The following PDCD6 variants were observed in gnomAD, a reference collection of about 807,000 sequenced individuals.
The protein encoded by PDCD6 is programmed cell death 6.
In PDCD6, 12 loss-of-function variants were observed where a neutral mutation model predicts 28.3. The ratio of observed to expected loss-of-function variants is 0.42; its 90% CI spans 0.27 to 0.69. The LOEUF is 0.69. Among genes scored for constraint, PDCD6 ranks in the 30% least tolerant of loss-of-function variants. The pLI, the probability that PDCD6 is intolerant of heterozygous loss-of-function variation, is 0.22. For missense variants in PDCD6, 226 were observed against 269.9 expected (o/e 0.84, Z 1.14); for synonymous variants, 92 against 108.0 (o/e 0.85, Z 0.92).
intron 2 of PDCD6, among the ~76,000 whole-genome samples, chr5:282,702 G>A (rs1738658738): frequency 6.6e-6 from 1 of 152,066 alleles, no homozygotes; most frequent in Non-Finnish European, 1.5e-5. Context: ...GGAGACTCAG[G>A]GAGGAGCTGA....
chr5:282,880 G>A (rs1334658713), intron 2 of PDCD6, among the ~76,000 whole-genome samples: 6 of 152,000 alleles, frequency 3.9e-5, no homozygotes, highest in African/African-American at 1.5e-4. Flanking sequence ...TCGTGCAGCT[G>A]AAGTCTCGGG....
intron 2 of PDCD6, among the ~76,000 whole-genome samples, chr5:283,334 A>G (rs1474636399): frequency 6.6e-6 from 1 of 152,112 alleles, no homozygotes; most frequent in Non-Finnish European, 1.5e-5. Flanking sequence ...CTGATGTTCT[A>G]GATTGAGGAT....
chr5:279,899 T>C (rs1163900694), intron 2 of PDCD6, among the ~76,000 whole-genome samples: 3 of 140,270 alleles, frequency 2.1e-5, no homozygotes, highest in Admixed American at 1.5e-4. Context: ...GTGTGCAAAA[T>C]GTGGCGATGG....
chr5:288,184 T>C (rs1739092149), intron 2 of PDCD6, among the ~76,000 whole-genome samples: 1 of 151,672 alleles, frequency 6.6e-6, no homozygotes, highest in Non-Finnish European at 1.5e-5. Flanking sequence ...GAAAATGTCT[T>C]CTGAAAGAGG....
At chr5:283,682 T>C (rs2126703298) in intron 2 of PDCD6, among the ~76,000 whole-genome samples, 1 of 151,118 alleles carries the variant, frequency 6.6e-6, no homozygotes, top group East Asian at 1.9e-4. Context: ...GTTGTGCAGC[T>C]GAAGCCTCAG....
intron 2 of PDCD6, among the ~76,000 whole-genome samples, chr5:287,646 A>T (rs764458195): frequency 2.9e-4 from 44 of 152,218 alleles, no homozygotes; most frequent in Admixed American, 5.9e-4. Context: ...ATTGAAAAAT[A>T]GACCCATGCA....
intron 2 of PDCD6, among the ~76,000 whole-genome samples, chr5:287,168 T>C (rs1375524587): frequency 6.6e-6 from 1 of 152,080 alleles, no homozygotes. Flanking sequence ...GAGTAGGTAC[T>C]GCCACTGATG....
chr5:273,273 TGGA>T (rs1737955425), intron 2 of PDCD6: 1 of 162,692 alleles, frequency 6.1e-6, no homozygotes, highest in Non-Finnish European at 1.4e-5. Context: ...TTGGGGGTGT[TGGA>T]GGCGCTGGCC....
intron 2 of PDCD6, among the ~76,000 whole-genome samples, chr5:299,966 T>C (rs1052825383): frequency 6.6e-6 from 1 of 152,082 alleles, no homozygotes; most frequent in African/African-American, 2.4e-5. Flanking sequence ...GTAAAGTACA[T>C]GTCCAGTCCC....
intron 2 of PDCD6, among the ~76,000 whole-genome samples, chr5:299,613 A>C (rs535996183): frequency 2.4e-4 from 37 of 151,480 alleles, no homozygotes; most frequent in African/African-American, 8.5e-4. Flanking sequence ...CCAGTGGTGC[A>C]ATCTCAGCTC....
intron 2 of PDCD6, among the ~76,000 whole-genome samples, chr5:280,501 C>T (rs1738498480): frequency 6.9e-6 from 1 of 145,868 alleles, no homozygotes; most frequent in Non-Finnish European, 1.5e-5. Flanking sequence ...GAGGGCAGGG[C>T]TGTGCTGGGC....
At chr5:274,821 G>GTGTA (rs1738083367) in intron 2 of PDCD6, among the ~76,000 whole-genome samples, 1 of 152,182 alleles carries the variant, frequency 6.6e-6, no homozygotes, top group Non-Finnish European at 1.5e-5. Flanking sequence ...GGTCCTCAAA[G>GTGTA]TGTATATAGC....
At chr5:276,165 G>T (rs1309914402) in intron 2 of PDCD6, 1 of 942,438 alleles carries the variant, frequency 1.1e-6, no homozygotes, top group East Asian at 6.7e-5. Flanking sequence ...GGAGGTTGAG[G>T]CTGCATTGAG....
chr5:287,272 T>C (rs1334248116), intron 2 of PDCD6, among the ~76,000 whole-genome samples: 1 of 152,168 alleles, frequency 6.6e-6, no homozygotes, highest in East Asian at 1.9e-4. Flanking sequence ...GAGCCAGTGA[T>C]GCTGTTTAAG....
intron 2 of PDCD6, among the ~76,000 whole-genome samples, chr5:297,087 C>T (rs1402371123): frequency 6.6e-6 from 1 of 152,206 alleles, no homozygotes; most frequent in African/African-American, 2.4e-5. Context: ...GCCGGGCAGT[C>T]GCAGGCCTCC....
intron 2 of PDCD6, among the ~76,000 whole-genome samples, chr5:273,619 T>G (rs1346717520): frequency 6.6e-6 from 1 of 152,176 alleles, no homozygotes; most frequent in Non-Finnish European, 1.5e-5. Context: ...GGGAAGTATC[T>G]GAAGTTGCCA....
chr5:306,442 G>A, intron 3 of PDCD6, 160 bp from the exon 4 acceptor site: 1 of 662,248 alleles, frequency 1.5e-6, no homozygotes, highest in South Asian at 1.7e-5. Flanking sequence ...GACTTTAAGG[G>A]ATTTCACCCC....
chr5:284,931 C>A (rs1738848514), intron 2 of PDCD6, among the ~76,000 whole-genome samples: 1 of 131,236 alleles, frequency 7.6e-6, no homozygotes, highest in Non-Finnish European at 1.6e-5. Flanking sequence ...GGAGGAATAT[C>A]AAACTCGAAC....
chr5:311,319 G>A lies in PDCD6; in HGVS notation c.394G>A (p.Asp132Asn). 6 of 1,614,066 alleles carry A rather than the reference G, an allele frequency of 3.7e-6. No homozygotes were observed. Among genetic ancestry groups the A allele is most frequent in the Non-Finnish European group, 4.2e-6 (5 of 1,179,988 alleles). Reference protein sequence around the residue: ...FGYRLSDQFHDILIRKFDRQG... With the variant: ...FGYRLSDQFHNILIRKFDRQG... ...CTACCGGCTCTCTGACCAGTTCCAC[G>A]ACATCCTCATTCGAAAGTTTGACAG... Residue 132 changes from aspartate to asparagine, a missense_variant, in exon 5 of 6, where the codon GAC becomes AAC. Asp to Asn is a conservative substitution (Grantham distance 23). Coordinates refer to ENST00000264933, the MANE Select transcript of PDCD6 (RefSeq NM_013232.4).
Sources: gnomAD v4.1 joint callset for allele counts (sites outside exome capture counted in the v4.1 genomes callset) on GRCh38, gnomAD v4.1.1 for gene constraint, MANE v1.5 for transcripts, NCBI Gene and HGNC (gene_info 2026-07-23, HGNC 2026-07-21) for gene names.